NAA25: variants seen among roughly 807,000 people sequenced by gnomAD.
NAA25 encodes the protein N-terminal acetyltransferase B complex subunit NAA25.
NAA25 carries 30 observed loss-of-function variants against 132.5 expected under a neutral mutation model. The ratio of observed to expected loss-of-function variants is 0.23; its 90% CI spans 0.17 to 0.31. NAA25 has a LOEUF of 0.31. Ranked by LOEUF, NAA25 falls within the 10% of genes least tolerant of loss-of-function variation. The pLI is 1.00. For synonymous variants in NAA25, 359 were observed against 401.9 expected (o/e 0.89, Z 1.28); for missense variants, 771 against 1,150.4 (o/e 0.67, Z 4.77).
At chr12:112,090,589 G>T in intron 3 of NAA25, 137 bp downstream of exon 3, 2 of 755,762 alleles carry the variant, frequency 2.6e-6, no homozygotes, top group Non-Finnish European at 2.1e-6. Flanking sequence ...TACAGTTCTC[G>T]CAAACCCTGG....
rs796241170 is a variant in NAA25 at position 112,086,102 on chromosome 12, A to ACACC, written c.402+1580_402+1581insGGTG. Among the ~76,000 whole-genome samples, 134 of 120,784 alleles carry ACACC rather than the reference A, an allele frequency of 1.1e-3. 1 individual carries two copies. Among genetic ancestry groups the ACACC allele is most frequent in the East Asian group, 1.5e-3 (5 of 3,316 alleles). The allele number at this position is 120,784 out of a possible 152,430, so 79.2% of individuals were successfully genotyped here. A position where few individuals can be genotyped will look rare whatever the true frequency, so the allele number is the denominator to read the frequency against. ...CACACACACACACACACACACACACACCCATAACCATTTTACATTTTTAAA... is the reference window on the plus strand; with the variant it reads ...CACACACACACACACACACACACACACACCCCCATAACCATTTTACATTTTTAAA... On this transcript the variant is annotated intron_variant, in intron 4 of 23. Transcript: ENST00000261745.
Position 112,047,714 on chromosome 12 carries a change from G to C in NAA25, c.1957C>G (p.Arg653Gly), listed in dbSNP as rs757007450. 2.5e-6 allele frequency: 4 copies of C among 1,613,606 alleles called. No homozygotes were observed. The highest frequency in any genetic ancestry group is 8.5e-7 in the Non-Finnish European group (1 of 1,179,798). The change falls in exon 17 of 24, where the codon CGA (arginine) becomes GGA (glycine). Residue 653 changes from arginine (R) to glycine (G), a missense_variant. Arg to Gly is a moderately radical substitution (Grantham distance 125). Transcript: ENST00000261745. The part of the protein sequence containing the change: ...EEDDIPWEDL[R>G]DNRDLNVFFS... ...AAAACATTTAAGTCTCTGTTGTCTC[G>C]CAAATCTTCCCATGGAATGTCATCT... is the stretch of plus-strand genomic sequence containing the variant.
At chr12:112,070,944 A>ACGG (rs2078796572) in intron 10 of NAA25, among the ~76,000 whole-genome samples, 1 of 152,190 alleles carries the variant, frequency 6.6e-6, no homozygotes, top group East Asian at 1.9e-4. Context: ...ACGGTGTTTC[A>ACGG]CCATGTTGGC....
At chr12:112,047,874 A>C in intron 16 of NAA25, 84 bp from the exon 17 acceptor site, 1 of 1,349,156 alleles carries the variant, frequency 7.4e-7, no homozygotes, top group Non-Finnish European at 1.0e-6. Context: ...GTTTTACTAG[A>C]CAGGAAGGGA....
chr12:112,043,554 A>G, intron 18 of NAA25, 71 bp downstream of exon 18: 1 of 1,555,788 alleles, frequency 6.4e-7, no homozygotes, highest in Non-Finnish European at 8.8e-7. Context: ...CACCCACCCC[A>G]AACTCCTGTT....
intron 17 of NAA25, among the ~76,000 whole-genome samples, chr12:112,045,535 C>T (rs1228274690): frequency 2.6e-5 from 4 of 151,108 alleles, no homozygotes; most frequent in Admixed American, 2.6e-4. Flanking sequence ...TAGCTCACAC[C>T]TATAATCACA....
At chr12:112,060,127 A>G in intron 13 of NAA25, 143 bp downstream of exon 13, 1 of 600,062 alleles carries the variant, frequency 1.7e-6, no homozygotes, top group Non-Finnish European at 2.9e-6. Context: ...TTTTTCTGGA[A>G]GCACCCTAGA....
chr12:112,053,161 A>G (rs1205173991), intron 15 of NAA25, among the ~76,000 whole-genome samples: 1 of 152,234 alleles, frequency 6.6e-6, no homozygotes, highest in Non-Finnish European at 1.5e-5. Context: ...ATGGACATAC[A>G]TTTCAGAGTT....
At chr12:112,044,623 T>C (rs890191009) in intron 17 of NAA25, among the ~76,000 whole-genome samples, 10 of 151,736 alleles carry the variant, frequency 6.6e-5, no homozygotes, top group Admixed American at 2.0e-4. Context: ...TGAGCCAAGA[T>C]TGCACCACTG....
intron 4 of NAA25, among the ~76,000 whole-genome samples, chr12:112,082,742 T>C (rs1021117818): frequency 8.6e-5 from 12 of 139,800 alleles, no homozygotes; most frequent in Non-Finnish European, 1.5e-5. Flanking sequence ...AGTAGCCATC[T>C]TTCAGATGAC....
At chr12:112,064,158 TA>T (rs1006495773) in intron 11 of NAA25, 1 of 152,258 alleles carries the variant, frequency 6.6e-6, no homozygotes, top group African/African-American at 2.4e-5. Flanking sequence ...CTATTAATTT[TA>T]ATCATTATGA....
At position 112,043,796 on chromosome 12, in the gene NAA25, T is replaced by G. The variant is rs777741293; in HGVS notation, c.2079A>C (p.Thr693=). 6.2e-7 allele frequency: 1 copy of G among 1,614,220 alleles called. No homozygotes were observed. Among genetic ancestry groups the G allele is most frequent in the Non-Finnish European group, 8.5e-7 (1 of 1,180,034 alleles). ...ETLWLRIRSL[T]LRLISGLPSL... is the part of the protein sequence containing the mutation. The stretch of plus-strand genomic sequence containing the variant: ...TTGGAAGTCCACTTATCAGCCTCAA[T>G]GTTAAGGATCGGATTCTTAACCACA... Residue 693 remains threonine, a synonymous_variant, in exon 18 of 24, where the codon ACA becomes ACC. Transcript: ENST00000261745.
At chr12:112,039,082 C>A in intron 22 of NAA25, 147 bp downstream of exon 22, 2 of 458,280 alleles carry the variant, frequency 4.4e-6, no homozygotes, top group Non-Finnish European at 7.8e-6. Context: ...TACGGGTTTG[C>A]GACGCATTCA....
In NAA25 at chr12:112,093,098, G is replaced by T; in HGVS notation, c.97C>A (p.Gln33Lys). 1 of 1,612,354 alleles carries T rather than the reference G, an allele frequency of 6.2e-7. No homozygotes were observed. Among genetic ancestry groups the T allele is most frequent in the Non-Finnish European group, 8.5e-7 (1 of 1,178,808 alleles). ...DNGNNKMAIQ[Q>K]ADKLLKKHKD... The stretch of plus-strand genomic sequence containing the variant: ...TGTTTCTTCAACAGTTTATCTGCTT[G>T]CTGAATTGCCATTTTATTATTACCA... Residue 33 changes from glutamine to lysine, a missense_variant, in exon 2 of 24, where the codon CAA becomes AAA. By Grantham distance (53) the Gln-to-Lys change is moderately conservative. Coordinates refer to ENST00000261745, the MANE Select transcript of NAA25 (RefSeq NM_024953.4).
chr12:112,076,661 C>G (rs577494631), intron 7 of NAA25, among the ~76,000 whole-genome samples: 1 of 151,540 alleles, frequency 6.6e-6, no homozygotes, highest in Non-Finnish European at 1.5e-5. Flanking sequence ...TGTTGAGAAT[C>G]TAACTTTTTA....
chr12:112,068,015 G>A (rs971832076), intron 11 of NAA25, among the ~76,000 whole-genome samples: 3 of 151,998 alleles, frequency 2.0e-5, no homozygotes, highest in African/African-American at 4.8e-5. Context: ...TGGGATTACA[G>A]GCGTAAGCCA....
intron 15 of NAA25, among the ~76,000 whole-genome samples, chr12:112,052,544 C>T (rs2078482666): frequency 6.6e-6 from 1 of 152,150 alleles, no homozygotes; most frequent in South Asian, 2.1e-4. Flanking sequence ...CTAGGCCATT[C>T]CCTAAAACTT....
At chr12:112,105,618 C>G (rs1315092645) in intron 1 of NAA25, among the ~76,000 whole-genome samples, 1 of 152,190 alleles carries the variant, frequency 6.6e-6, no homozygotes, top group Non-Finnish European at 1.5e-5. Context: ...TCCACATATA[C>G]CCTCAATGAA....
intron 2 of NAA25, 140 bp from the exon 3 acceptor site, chr12:112,091,004 A>C: frequency 1.3e-6 from 1 of 770,104 alleles, no homozygotes; most frequent in Non-Finnish European, 2.0e-6. Flanking sequence ...GCGGCGGCTC[A>C]CATCTGTAAT....
Sources: gnomAD v4.1 joint callset for allele counts (sites outside exome capture counted in the v4.1 genomes callset) on GRCh38, gnomAD v4.1.1 for gene constraint, MANE v1.5 for transcripts, NCBI Gene and HGNC (gene_info 2026-07-23, HGNC 2026-07-21) for gene names.